Variants in TBL1XR1 observed in about 807,000 individuals in gnomAD.
The protein encoded by TBL1XR1 is TBL1X/Y related 1.
A neutral mutation model predicts 66.9 loss-of-function variants in TBL1XR1; 5 were observed. The ratio of observed to expected loss-of-function variants is 0.07; its 90% CI spans 0.04 to 0.16. TBL1XR1 has a LOEUF of 0.16. Ranked by LOEUF, TBL1XR1 falls within the 10% of genes least tolerant of loss-of-function variation. TBL1XR1 has a pLI of 1.00. For missense variants in TBL1XR1, 238 were observed against 623.2 expected, an observed-to-expected ratio of 0.38 and a Z score of 6.58; for synonymous variants, 210 against 206.0, an observed-to-expected ratio of 1.02 and a Z score of -0.17.
chr3:177,071,203 TG>T (rs1263176931), intron 2 of TBL1XR1, among the ~76,000 whole-genome samples: 2 of 152,040 alleles, frequency 1.3e-5, no homozygotes, highest in African/African-American at 2.4e-5. Flanking sequence ...GCTAATTTTT[TG>T]TATTTTCAGT....
chr3:177,192,762 T>C (rs920905325), intron 1 of TBL1XR1, among the ~76,000 whole-genome samples: 2 of 152,204 alleles, frequency 1.3e-5, no homozygotes, highest in African/African-American at 4.8e-5. Context: ...ACAGGATGCT[T>C]AGAATGTCAA....
chr3:177,071,773 A>G (rs1370883405), intron 2 of TBL1XR1, among the ~76,000 whole-genome samples: 3 of 152,208 alleles, frequency 2.0e-5, no homozygotes, highest in African/African-American at 4.8e-5. Context: ...GAAAAAGGGA[A>G]AAGTATATGG....
At chr3:177,070,875 A>G (rs1421197026) in intron 2 of TBL1XR1, among the ~76,000 whole-genome samples, 1 of 152,060 alleles carries the variant, frequency 6.6e-6, no homozygotes, top group Non-Finnish European at 1.5e-5. Flanking sequence ...AAATAAAAAT[A>G]AACTAAAATC....
At chr3:177,170,947 G>A (rs1733390318) in intron 1 of TBL1XR1, among the ~76,000 whole-genome samples, 1 of 152,024 alleles carries the variant, frequency 6.6e-6, no homozygotes, top group Non-Finnish European at 1.5e-5. Context: ...TAACAATGCT[G>A]GCATGTAGCA....
intron 12 of TBL1XR1, among the ~76,000 whole-genome samples, chr3:177,036,888 T>A (rs1002335965): frequency 1.3e-5 from 2 of 152,360 alleles, no homozygotes; most frequent in African/African-American, 4.8e-5. Flanking sequence ...AAAACTGTTT[T>A]CAGTAGAGGG....
chr3:177,025,747 C>T (rs917721450), intron 15 of TBL1XR1, among the ~76,000 whole-genome samples: 8 of 152,064 alleles, frequency 5.3e-5, no homozygotes, highest in African/African-American at 1.9e-4. Context: ...GGAAGAACCA[C>T]GGCTAGGATT....
intron 1 of TBL1XR1, among the ~76,000 whole-genome samples, chr3:177,138,643 T>C (rs771447044): frequency 2.6e-5 from 4 of 152,020 alleles, no homozygotes; most frequent in Admixed American, 6.6e-5. Context: ...CAGGTAAGGC[T>C]TTCTGTGAGA....
At chr3:177,053,750 T>G (rs1257871137) in intron 4 of TBL1XR1, 23 bp downstream of exon 4, 4 of 1,601,654 alleles carry the variant, frequency 2.5e-6, no homozygotes, top group African/African-American at 1.3e-5. Context: ...AAAAAATCAG[T>G]ATTTGAAATA....
chr3:177,148,764 C>G (rs1261766437), intron 1 of TBL1XR1, among the ~76,000 whole-genome samples: 4 of 151,864 alleles, frequency 2.6e-5, no homozygotes, highest in Non-Finnish European at 4.4e-5. Flanking sequence ...AATCCCTGCA[C>G]TTTGGGAGGC....
At chr3:177,085,648 A>G (rs2108623089) in intron 2 of TBL1XR1, among the ~76,000 whole-genome samples, 1 of 152,302 alleles carries the variant, frequency 6.6e-6, no homozygotes, top group South Asian at 2.1e-4. Flanking sequence ...AGACAATAGG[A>G]TGTATAGGAA....
At chr3:177,192,204 G>A (rs930176831) in intron 1 of TBL1XR1, among the ~76,000 whole-genome samples, 2 of 151,932 alleles carry the variant, frequency 1.3e-5, no homozygotes, top group African/African-American at 4.8e-5. Flanking sequence ...GAGACCACAT[G>A]GTGAAACCCC....
intron 14 of TBL1XR1, 30 bp downstream of exon 14, chr3:177,032,941 C>T: frequency 2.7e-6 from 4 of 1,495,196 alleles, no homozygotes; most frequent in African/African-American, 1.4e-5. Flanking sequence ...AATTTAAGAG[C>T]ACTTGACCAT....
intron 9 of TBL1XR1, 31 bp from the exon 10 acceptor site, chr3:177,046,220 C>T: frequency 6.7e-7 from 1 of 1,496,264 alleles, no homozygotes. Context: ...AAAATAAACT[C>T]ATGGAAAGAA....
At chr3:177,163,903 T>G (rs1732515261) in intron 1 of TBL1XR1, 1 of 152,188 alleles carries the variant, frequency 6.6e-6, no homozygotes. Flanking sequence ...AGTTTAGATT[T>G]ATGTTATTAC....
intron 1 of TBL1XR1, among the ~76,000 whole-genome samples, chr3:177,168,907 G>C (rs1172807446): frequency 1.3e-5 from 2 of 152,214 alleles, no homozygotes; most frequent in South Asian, 4.2e-4. Context: ...ATTTGGAGAG[G>C]GGGAAACAAA....
chr3:177,181,373 A>T (rs1734799475), intron 1 of TBL1XR1, among the ~76,000 whole-genome samples: 1 of 151,466 alleles, frequency 6.6e-6, no homozygotes, highest in Non-Finnish European at 1.5e-5. Flanking sequence ...CCAGCTACTC[A>T]GGAGGCTGAG....
chr3:177,135,338 C>CATATAT (rs1177634107), intron 1 of TBL1XR1, among the ~76,000 whole-genome samples: 262 of 22,304 alleles, frequency 0.012, 4 homozygotes, highest in Non-Finnish European at 0.015. Flanking sequence ...TGTGTGTATA[C>CATATAT]ATATATATAT....
Position 177,022,498 on chromosome 3 carries a change from A to G in TBL1XR1, c.*3000T>C, listed in dbSNP as rs529494912. ...TTCCTACACGGAGACAAAAAAAGAT[A>G]TTCCTTTATGTTGTTTAAAAGTGGC... On this transcript the variant is annotated 3_prime_UTR_variant, in exon 16 of 16. Coordinates refer to ENST00000457928, the MANE Select transcript of TBL1XR1 (RefSeq NM_024665.7). 1 of 152,692 alleles carries G rather than the reference A, an allele frequency of 6.5e-6. No homozygotes were observed. The highest frequency in any genetic ancestry group is 1.5e-5 in the Non-Finnish European group (1 of 67,972). The allele number at this position is 152,692 out of a possible 1,614,324, so 9.5% of individuals were successfully genotyped here.
intron 2 of TBL1XR1, among the ~76,000 whole-genome samples, chr3:177,068,433 C>T (rs952745069): frequency 3.3e-5 from 5 of 152,098 alleles, no homozygotes; most frequent in Admixed American, 6.5e-5. Context: ...TTCAAAAGTT[C>T]GCTTAATATT....
Sources: gnomAD v4.1 joint callset for allele counts (sites outside exome capture counted in the v4.1 genomes callset) on GRCh38, gnomAD v4.1.1 for gene constraint, MANE v1.5 for transcripts, NCBI Gene and HGNC (gene_info 2026-07-23, HGNC 2026-07-21) for gene names.